DISP1: variants seen among roughly 807,000 people sequenced by gnomAD.
DISP1 encodes the protein dispatched RND transporter family member 1.
A neutral mutation model predicts 37.3 loss-of-function variants in DISP1; 30 were observed. That is an observed-to-expected ratio of 0.80 (90% CI 0.60 to 1.09). The LOEUF is 1.09. DISP1 is among the 50% of genes least tolerant of loss of function. DISP1 has a pLI of 0.00. For missense variants in DISP1, 1,598 were observed against 1,879.5 expected, an observed-to-expected ratio of 0.85 and a Z score of 2.77; for synonymous variants, 634 against 690.2, an observed-to-expected ratio of 0.92 and a Z score of 1.28.
rs1558064420 is a variant in DISP1 at position 222,977,701 on chromosome 1, A to C, written c.510-5379A>C. Among the ~76,000 whole-genome samples, 2 of 150,524 alleles carry C rather than the reference A, an allele frequency of 1.3e-5. 1 individual carries two copies. Among genetic ancestry groups the C allele is most frequent in the Non-Finnish European group, 3.0e-5 (2 of 67,458 alleles). On this transcript the variant is annotated intron_variant, in intron 3 of 8. Transcript: ENST00000675850. Reference sequence around the variant, plus strand: ...CCCTCCCCTCTCCCCCGACCCCACAACAGGCCCCGGTGTGTGATATTCCCC... The same window carrying C: ...CCCTCCCCTCTCCCCCGACCCCACACCAGGCCCCGGTGTGTGATATTCCCC...
intron 1 of DISP1, among the ~76,000 whole-genome samples, chr1:222,856,442 C>G (rs1460195859): frequency 6.6e-6 from 1 of 152,172 alleles, no homozygotes; most frequent in African/African-American, 2.4e-5. Flanking sequence ...GATAGTTGGC[C>G]TTTTCCACAC....
At chr1:222,906,614 A>T (rs981423077) in intron 1 of DISP1, among the ~76,000 whole-genome samples, 1 of 152,140 alleles carries the variant, frequency 6.6e-6, no homozygotes, top group Non-Finnish European at 1.5e-5. Flanking sequence ...TCACTGCTAC[A>T]CTCCCACCAG....
chr1:222,818,330 A>G (rs1247496094), intron 1 of DISP1, among the ~76,000 whole-genome samples: 1 of 151,808 alleles, frequency 6.6e-6, no homozygotes, highest in African/African-American at 2.4e-5. Context: ...CAGATGATGC[A>G]CTCCTTTGTT....
At chr1:222,872,694 T>C (rs574971448) in intron 1 of DISP1, among the ~76,000 whole-genome samples, 2 of 152,344 alleles carry the variant, frequency 1.3e-5, no homozygotes, top group East Asian at 3.9e-4. Context: ...GCTAGCAGTC[T>C]ATCAATTTTG....
At chr1:222,877,646 A>G (rs554898463) in intron 1 of DISP1, among the ~76,000 whole-genome samples, 1 of 152,370 alleles carries the variant, frequency 6.6e-6, no homozygotes, top group African/African-American at 2.4e-5. Context: ...TCCTGCCTGT[A>G]TATGACTGTA....
At chr1:222,945,624 G>A (rs1674712825) in intron 3 of DISP1, 1 of 140,422 alleles carries the variant, frequency 7.1e-6, no homozygotes, top group African/African-American at 2.5e-5. Context: ...GTGTACACTT[G>A]AAATAGAATG....
chr1:222,867,116 A>T (rs899124735), intron 1 of DISP1, among the ~76,000 whole-genome samples: 11 of 152,350 alleles, frequency 7.2e-5, no homozygotes, highest in Non-Finnish European at 1.5e-4. Flanking sequence ...GAATGAATCA[A>T]TGAATCTTAG....
chr1:222,997,034 GTCTCTC>G (rs146684085), intron 8 of DISP1, among the ~76,000 whole-genome samples: 1 of 149,364 alleles, frequency 6.7e-6, no homozygotes, highest in Non-Finnish European at 1.5e-5. Flanking sequence ...CTCTCTCTCT[GTCTCTC>G]TCTCTCTCTC....
At chr1:222,892,842 A>G (rs1558314955) in intron 1 of DISP1, among the ~76,000 whole-genome samples, 1 of 152,238 alleles carries the variant, frequency 6.6e-6, no homozygotes, top group Non-Finnish European at 1.5e-5. Context: ...ATGTGTTTGA[A>G]TGTCCAGCTT....
chr1:222,950,063 A>G (rs1243068960), intron 3 of DISP1, among the ~76,000 whole-genome samples: 1 of 152,208 alleles, frequency 6.6e-6, no homozygotes. Context: ...GAATAAGAAG[A>G]TATTTCTTTT....
In DISP1 at chr1:222,942,829, T is replaced by G; in HGVS notation, c.6T>G (p.Ala2=). The stretch of plus-strand genomic sequence containing the variant: ...TAGAGTCAAGAAATTGGAGCATGGC[T>G]ATGAGCAATGGAAACAATGATTTTG... The part of the protein sequence containing the change: M[A]MSNGNNDFVV... Residue 2 remains alanine, a synonymous_variant, in exon 3 of 9, where the codon GCT becomes GCG. Coordinates refer to ENST00000675850, the MANE Select transcript of DISP1 (RefSeq NM_001377229.1). 1.2e-6 allele frequency: 2 copies of G among 1,614,162 alleles called. No individual in the cohort carries two copies. Among genetic ancestry groups the G allele is most frequent in the South Asian group, 2.2e-5 (2 of 91,076 alleles).
chr1:222,908,498 C>T (rs912000218), intron 1 of DISP1, among the ~76,000 whole-genome samples: 1 of 152,058 alleles, frequency 6.6e-6, no homozygotes, highest in African/African-American at 2.4e-5. Flanking sequence ...CTCTGCCTCC[C>T]GATTCTCCTG....
At chr1:222,977,115 C>T (rs1447524972) in intron 3 of DISP1, among the ~76,000 whole-genome samples, 4 of 152,104 alleles carry the variant, frequency 2.6e-5, no homozygotes, top group African/African-American at 4.8e-5. Context: ...CCGCAACCTC[C>T]GCCTCCCAGG....
At chr1:222,880,881 C>A (rs1484905755) in intron 1 of DISP1, among the ~76,000 whole-genome samples, 1 of 151,916 alleles carries the variant, frequency 6.6e-6, no homozygotes, top group Non-Finnish European at 1.5e-5. Context: ...GGCAACATGG[C>A]AAAACCTTGT....
chr1:222,995,376 A>T (rs983665503), intron 8 of DISP1, among the ~76,000 whole-genome samples: 12 of 152,138 alleles, frequency 7.9e-5, no homozygotes, highest in Non-Finnish European at 2.9e-5. Flanking sequence ...TAATTGTGCA[A>T]TGAAATGCCT....
At chr1:222,867,555 C>G (rs545674848) in intron 1 of DISP1, among the ~76,000 whole-genome samples, 28 of 152,228 alleles carry the variant, frequency 1.8e-4, no homozygotes, top group African/African-American at 6.7e-4. Flanking sequence ...GTCATAAAGT[C>G]TGCATTTGTT....
intron 1 of DISP1, among the ~76,000 whole-genome samples, chr1:222,891,259 AATAG>A (rs1670923782): frequency 6.6e-6 from 1 of 152,172 alleles, no homozygotes; most frequent in African/African-American, 2.4e-5. Flanking sequence ...TTGAAGGTAG[AATAG>A]ATAGAGGGGA....
intron 2 of DISP1, among the ~76,000 whole-genome samples, chr1:222,930,727 T>C (rs905894389): frequency 3.9e-4 from 60 of 152,186 alleles, no homozygotes; most frequent in African/African-American, 1.4e-3. Context: ...AACAGCAGAA[T>C]TCATAAGCAT....
intron 1 of DISP1, among the ~76,000 whole-genome samples, chr1:222,852,057 G>A (rs1484493411): frequency 6.6e-6 from 1 of 152,064 alleles, no homozygotes; most frequent in Admixed American, 6.5e-5. Context: ...GGTGGCGCAT[G>A]CCTGTAATCC....
Sources: gnomAD v4.1 joint callset for allele counts (sites outside exome capture counted in the v4.1 genomes callset) on GRCh38, gnomAD v4.1.1 for gene constraint, MANE v1.5 for transcripts, NCBI Gene and HGNC (gene_info 2026-07-23, HGNC 2026-07-21) for gene names.